CDH13: variants seen among roughly 807,000 people sequenced by gnomAD.
CDH13 encodes the protein cadherin 13.
In CDH13, 24 loss-of-function variants were observed where a neutral mutation model predicts 63.8. That is an observed-to-expected ratio of 0.38 (90% CI 0.27 to 0.53). The LOEUF is 0.53. CDH13 is among the 20% of genes least tolerant of loss of function. The pLI is 0.85. For synonymous variants in CDH13, 503 were observed against 355.3 expected, an observed-to-expected ratio of 1.42 and a Z score of -4.67; for missense variants, 1,049 against 903.1, an observed-to-expected ratio of 1.16 and a Z score of -2.07.
At chr16:83,447,273 G>T (rs1035118721) in intron 6 of CDH13, among the ~76,000 whole-genome samples, 5 of 151,496 alleles carry the variant, frequency 3.3e-5, no homozygotes, top group Non-Finnish European at 1.5e-5. Context: ...AAATTAGCCG[G>T]GCGTGGTGGT....
chr16:83,487,869 A>G (rs1459895604), intron 7 of CDH13, among the ~76,000 whole-genome samples: 1 of 152,148 alleles, frequency 6.6e-6, no homozygotes. Context: ...TAGTTTCTCA[A>G]GAGATTCTGG....
At chr16:83,240,575 T>C (rs1477650416) in intron 5 of CDH13, among the ~76,000 whole-genome samples, 1 of 151,392 alleles carries the variant, frequency 6.6e-6, no homozygotes, top group Non-Finnish European at 1.5e-5. Flanking sequence ...GAAAGAGGCA[T>C]CAGAATTTGC....
At position 82,627,337 on chromosome 16, in the gene CDH13, C is replaced by CGTGCGTGTGTGTGTGT. The variant is rs1555525839; in HGVS notation, c.45+203_45+204insCGTGTGTGTGTGTGTG. On this transcript the variant is annotated intron_variant, in intron 1 of 13. Transcript: ENST00000567109. ...ACACACAGGCTCCCACTCTGGCGTG[C>CGTGCGTGTGTGTGTGT]GTGTGTGTGTGTGTGTGTGTGTGTG... Among the ~76,000 whole-genome samples, 1,304 of 131,204 alleles carry CGTGCGTGTGTGTGTGT rather than the reference C, an allele frequency of 9.9e-3. 22 individuals carry two copies. The highest frequency in any genetic ancestry group is 0.017 in the Admixed American group (229 of 13,392). The allele number at this position is 131,204 out of a possible 152,430, so 86.1% of individuals were successfully genotyped here.
chr16:83,242,941 A>C (rs1053254237), intron 5 of CDH13, among the ~76,000 whole-genome samples: 9 of 152,214 alleles, frequency 5.9e-5, no homozygotes, highest in African/African-American at 2.2e-4. Flanking sequence ...ATGTGTCAAA[A>C]ACTATTCAGC....
At chr16:83,605,575 G>A (rs1908250665) in intron 8 of CDH13, among the ~76,000 whole-genome samples, 1 of 152,164 alleles carries the variant, frequency 6.6e-6, no homozygotes, top group African/African-American at 2.4e-5. Flanking sequence ...CATTGTGAAT[G>A]AGCTAATGAC....
At chr16:83,366,800 G>A (rs543908855) in intron 6 of CDH13, among the ~76,000 whole-genome samples, 1 of 152,178 alleles carries the variant, frequency 6.6e-6, no homozygotes, top group South Asian at 2.1e-4. Context: ...AGAAGGTCAT[G>A]GTGTGGTGGT....
intron 4 of CDH13, among the ~76,000 whole-genome samples, chr16:83,164,789 G>C (rs2037592283): frequency 6.6e-6 from 1 of 151,398 alleles, no homozygotes; most frequent in Non-Finnish European, 1.5e-5. Flanking sequence ...CAGTAATAGA[G>C]ACTACCAATA....
At chr16:83,131,845 T>C (rs1191200248) in intron 4 of CDH13, among the ~76,000 whole-genome samples, 1 of 152,196 alleles carries the variant, frequency 6.6e-6, no homozygotes, top group Non-Finnish European at 1.5e-5. Flanking sequence ...AGAAGAAATA[T>C]GTAACTGGGC....
intron 2 of CDH13, among the ~76,000 whole-genome samples, chr16:82,909,844 T>C (rs1299706985): frequency 6.6e-6 from 1 of 152,174 alleles, no homozygotes; most frequent in African/African-American, 2.4e-5. Context: ...CATGTATAGA[T>C]GAGAAAACAG....
At chr16:83,068,453 G>C (rs78089282) in intron 3 of CDH13, among the ~76,000 whole-genome samples, 1 of 152,072 alleles carries the variant, frequency 6.6e-6, no homozygotes. Flanking sequence ...GTGTGATGAC[G>C]TTCAGGGTTT....
chr16:83,310,004 C>T (rs75578484), intron 5 of CDH13, among the ~76,000 whole-genome samples: 3,795 of 152,056 alleles, frequency 0.025, 166 homozygotes, highest in African/African-American at 0.086. Context: ...ACAAAAGTTC[C>T]GCACAATATC....
At chr16:83,390,806 G>A (rs899749255) in intron 6 of CDH13, among the ~76,000 whole-genome samples, 9 of 152,218 alleles carry the variant, frequency 5.9e-5, no homozygotes, top group South Asian at 2.1e-4. Flanking sequence ...TTATTCAGCC[G>A]AGGTAGCTGA....
Position 82,838,710 on chromosome 16 carries a change from A to G in CDH13, c.46-19652A>G, listed in dbSNP as rs572810167. Among the ~76,000 whole-genome samples the G allele has an allele frequency of 1.7e-3, 260 of 152,176 alleles. 1 individual carries two copies. Among genetic ancestry groups the G allele is most frequent in the Non-Finnish European group, 3.0e-3 (203 of 67,998 alleles). ...ACTCAAAGTCATTGTGGGGACCTCT[A>G]TTTTCACCTTTTTTGGCCTAGGTTG... On this transcript the variant is annotated intron_variant, in intron 1 of 13. Coordinates refer to ENST00000567109, the MANE Select transcript of CDH13 (RefSeq NM_001257.5).
intron 11 of CDH13, among the ~76,000 whole-genome samples, chr16:83,754,584 T>C (rs1913351546): frequency 6.6e-6 from 1 of 152,192 alleles, no homozygotes; most frequent in Non-Finnish European, 1.5e-5. Flanking sequence ...AATTGAATCA[T>C]GGGGGCAGTT....
At chr16:83,572,175 G>GTTTTGT (rs145519267) in intron 7 of CDH13, among the ~76,000 whole-genome samples, 14 of 145,694 alleles carry the variant, frequency 9.6e-5, no homozygotes, top group African/African-American at 3.6e-4. Flanking sequence ...ACTTTCCTGT[G>GTTTTGT]GTGTGTGTGT....
chr16:83,728,470 A>T (rs973693599), intron 10 of CDH13, among the ~76,000 whole-genome samples: 11 of 152,100 alleles, frequency 7.2e-5, no homozygotes, highest in African/African-American at 2.7e-4. Flanking sequence ...CTTTTTAGTG[A>T]GTGAATTAGG....
chr16:83,482,293 C>T (rs960646013), intron 6 of CDH13, among the ~76,000 whole-genome samples: 1 of 152,108 alleles, frequency 6.6e-6, no homozygotes, highest in African/African-American at 2.4e-5. Flanking sequence ...CAGTCTATAC[C>T]CTCCAAGAGC....
chr16:83,773,837 TC>T (rs1457387823), intron 11 of CDH13, among the ~76,000 whole-genome samples: 1 of 152,130 alleles, frequency 6.6e-6, no homozygotes, highest in African/African-American at 2.4e-5. Context: ...CCAACACTGT[TC>T]CCCAGTCATG....
chr16:83,235,260 CT>C (rs2040110817), intron 5 of CDH13, among the ~76,000 whole-genome samples: 1 of 152,152 alleles, frequency 6.6e-6, no homozygotes, highest in African/African-American at 2.4e-5. Context: ...GGGAAGCACC[CT>C]CCAATGCACA....
Sources: gnomAD v4.1 joint callset for allele counts (sites outside exome capture counted in the v4.1 genomes callset) on GRCh38, gnomAD v4.1.1 for gene constraint, MANE v1.5 for transcripts, NCBI Gene and HGNC (gene_info 2026-07-23, HGNC 2026-07-21) for gene names.